NRXN3: variants seen among roughly 807,000 people sequenced by gnomAD.
NRXN3 encodes neurexin 3.
NRXN3 carries 32 observed loss-of-function variants against 137.6 expected under a neutral mutation model. That is an observed-to-expected ratio of 0.23 (90% confidence interval 0.18 to 0.31). NRXN3 has a LOEUF of 0.31. Ranked by LOEUF, NRXN3 falls within the 10% of genes least tolerant of loss-of-function variation. The pLI, the probability that NRXN3 is intolerant of heterozygous loss-of-function variation, is 1.00. For synonymous variants in NRXN3, 798 were observed against 784.5 expected (o/e 1.02, Z -0.29); for missense variants, 1,574 against 2,062.5 (o/e 0.76, Z 4.59).
chr14:78,443,020 C>T (rs1317767035), intron 4 of NRXN3, among the ~76,000 whole-genome samples: 1 of 152,186 alleles, frequency 6.6e-6, no homozygotes, highest in Non-Finnish European at 1.5e-5. Flanking sequence ...TATGACCATA[C>T]AGCAGATGTG....
At chr14:79,532,348 T>C (rs935379537) in intron 16 of NRXN3, among the ~76,000 whole-genome samples, 1 of 152,198 alleles carries the variant, frequency 6.6e-6, no homozygotes, top group Non-Finnish European at 1.5e-5. Context: ...TTAAAAAATG[T>C]AAGTTACAAA....
At chr14:78,676,710 C>T (rs2098011454) in intron 6 of NRXN3, among the ~76,000 whole-genome samples, 2 of 152,064 alleles carry the variant, frequency 1.3e-5, no homozygotes, top group African/African-American at 2.4e-5. Context: ...GATAAGAAAC[C>T]ATCTAGGACT....
chr14:79,523,575 T>C (rs1434785898), intron 16 of NRXN3, among the ~76,000 whole-genome samples: 1 of 152,224 alleles, frequency 6.6e-6, no homozygotes, highest in Non-Finnish European at 1.5e-5. Flanking sequence ...GATCGACAGC[T>C]GATTCTGCAC....
chr14:79,320,140 T>C (rs887183314), intron 15 of NRXN3, among the ~76,000 whole-genome samples: 1 of 152,224 alleles, frequency 6.6e-6, no homozygotes, highest in Admixed American at 6.5e-5. Context: ...GGATTGTGGT[T>C]TTGCCCAAGG....
At chr14:78,901,694 C>T (rs2099196957) in intron 10 of NRXN3, among the ~76,000 whole-genome samples, 1 of 152,000 alleles carries the variant, frequency 6.6e-6, no homozygotes, top group African/African-American at 2.4e-5. Flanking sequence ...TGGTCACTTT[C>T]CTTCCTTGCT....
At chr14:78,495,914 G>T (rs1245884039) in intron 4 of NRXN3, among the ~76,000 whole-genome samples, 2 of 152,194 alleles carry the variant, frequency 1.3e-5, no homozygotes, top group East Asian at 1.9e-4. Flanking sequence ...GACATCCACT[G>T]CATCCATCTA....
In NRXN3 at chr14:78,983,854, TAA is replaced by T. The variant is rs965751583; in HGVS notation, c.3143-4151_3143-4150del. 7.2e-3 allele frequency among the ~76,000 whole-genome samples: 758 copies of T among 105,886 alleles called. 3 individuals carry two copies. Among genetic ancestry groups the T allele is most frequent in the African/African-American group, 0.023 (701 of 30,318 alleles). The allele number at this position is 105,886 out of a possible 152,430, so 69.5% of individuals were successfully genotyped here. ...CCTGGTGACAGAGCAAGATTCCATTTAAAAAAAAAAAAAAAAAAGAAAAAAAA... is the reference window on the plus strand; with the variant it reads ...CCTGGTGACAGAGCAAGATTCCATTTAAAAAAAAAAAAAAAAGAAAAAAAA... On this transcript the variant is annotated intron_variant, in intron 14 of 20. Transcript: ENST00000335750.
At chr14:79,036,615 T>C (rs1253366820) in intron 15 of NRXN3, among the ~76,000 whole-genome samples, 2 of 70,288 alleles carry the variant, frequency 2.8e-5, no homozygotes, top group African/African-American at 4.8e-5. Flanking sequence ...TTTTTTTTTT[T>C]TTTTTTTTTT....
chr14:78,859,445 A>T (rs1243689960), intron 10 of NRXN3, among the ~76,000 whole-genome samples: 2 of 152,148 alleles, frequency 1.3e-5, no homozygotes, highest in Non-Finnish European at 2.9e-5. Flanking sequence ...TAGATTTTCC[A>T]GTCTGATGAT....
chr14:78,686,697 TA>T (rs1253096683), intron 6 of NRXN3, among the ~76,000 whole-genome samples: 1 of 152,140 alleles, frequency 6.6e-6, no homozygotes, highest in African/African-American at 2.4e-5. Context: ...ATATATGAAG[TA>T]AAAAATCAAA....
intron 15 of NRXN3, among the ~76,000 whole-genome samples, chr14:79,317,474 CT>C (rs1193383542): frequency 6.6e-6 from 1 of 152,154 alleles, no homozygotes; most frequent in Non-Finnish European, 1.5e-5. Flanking sequence ...TCCTACTATC[CT>C]ACTATGTCTA....
At chr14:79,664,086 A>T in intron 17 of NRXN3, 137 bp downstream of exon 17, 1 of 889,818 alleles carries the variant, frequency 1.1e-6, no homozygotes, top group Non-Finnish European at 1.7e-6. Context: ...TTGTATGAGA[A>T]GATAAGTCAT....
chr14:79,505,060 C>A (rs1405384885), intron 16 of NRXN3, among the ~76,000 whole-genome samples: 3 of 151,900 alleles, frequency 2.0e-5, no homozygotes, highest in Non-Finnish European at 4.4e-5. Flanking sequence ...ACTAAAAATA[C>A]AAAAATTAGC....
At chr14:79,390,248 T>C (rs987269857) in intron 15 of NRXN3, among the ~76,000 whole-genome samples, 6 of 142,620 alleles carry the variant, frequency 4.2e-5, no homozygotes, top group Non-Finnish European at 4.5e-5. Context: ...ACCCAGGAGG[T>C]GGAACTTGCA....
chr14:78,407,041 A>T lies in NRXN3; in HGVS notation c.757+109181A>T, dbSNP rs142724559. ...CAAAGAGAGGGTCTTAGGGACTGGG[A>T]TCCTTTTGAATGGTCCTAAGAAGAT... On this transcript the variant is annotated intron_variant, in intron 4 of 20. Transcript: ENST00000335750. Among the ~76,000 whole-genome samples, 819 of 152,274 alleles carry T rather than the reference A, an allele frequency of 5.4e-3. 7 individuals carry two copies. The highest frequency in any genetic ancestry group is 0.019 in the African/African-American group (785 of 41,542).
At chr14:79,553,389 G>A (rs75869382) in intron 16 of NRXN3, among the ~76,000 whole-genome samples, 3 of 151,934 alleles carry the variant, frequency 2.0e-5, no homozygotes, top group Non-Finnish European at 4.4e-5. Flanking sequence ...AATTTAATTC[G>A]CCCAAAGGCT....
At chr14:79,364,867 T>C (rs2093821997) in intron 15 of NRXN3, among the ~76,000 whole-genome samples, 1 of 152,178 alleles carries the variant, frequency 6.6e-6, no homozygotes, top group South Asian at 2.1e-4. Context: ...GTAGAGACCC[T>C]TTCCCTTCAC....
In NRXN3 at chr14:79,149,292, G is replaced by T. The variant is rs545193031; in HGVS notation, c.3262+161151G>T. The stretch of plus-strand genomic sequence containing the variant: ...TTTGACCTGGCATCACCATTCCATA[G>T]CTATTTGTTGGTGTCAGCATCCTGG... On this transcript the variant is annotated intron_variant, in intron 15 of 20. Transcript: ENST00000335750. Among the ~76,000 whole-genome samples, 4 of 151,754 alleles carry T rather than the reference G, an allele frequency of 2.6e-5. No individual in the cohort carries two copies. The East Asian group carries it at 7.8e-4, about 30-fold the overall frequency.
intron 15 of NRXN3, among the ~76,000 whole-genome samples, chr14:79,356,889 T>G (rs1474675860): frequency 6.6e-6 from 1 of 152,034 alleles, no homozygotes; most frequent in African/African-American, 2.4e-5. Flanking sequence ...CCACCAGGCC[T>G]AGCTAATTTT....
Sources: allele counts gnomAD v4.1 joint callset (sites outside exome capture counted in the v4.1 genomes callset), GRCh38; gene constraint gnomAD v4.1.1; transcripts MANE v1.5; gene names NCBI Gene and HGNC (gene_info 2026-07-23, HGNC 2026-07-21).